CHODL: variants seen among roughly 807,000 people sequenced by gnomAD.
CHODL encodes chondrolectin, also known as transmembrane protein MT75.
In CHODL, 29 loss-of-function variants were observed where a neutral mutation model predicts 34.5. That is an observed-to-expected ratio of 0.84 (90% confidence interval 0.63 to 1.15). The LOEUF (loss-of-function observed/expected upper bound fraction) is 1.15. Ranked by LOEUF, CHODL falls within the 50% of genes most tolerant of loss-of-function variation. The pLI, the probability that CHODL is intolerant of heterozygous loss-of-function variation, is 0.00. For missense variants in CHODL, 332 were observed against 332.5 expected (o/e 1.00, Z 0.01); for synonymous variants, 125 against 116.1 (o/e 1.08, Z -0.49).
At chr21:18,010,297 C>CA (rs71189576) in intron 1 of CHODL, among the ~76,000 whole-genome samples, 15,466 of 38,924 alleles carry the variant, frequency 0.4, 4,649 homozygotes, top group Non-Finnish European at 0.51. Context: ...ACTCCCGTCT[C>CA]AAAAAAAAAA....
chr21:18,009,265 T>C (rs1356368298), intron 1 of CHODL, among the ~76,000 whole-genome samples: 1 of 152,232 alleles, frequency 6.6e-6, no homozygotes, highest in East Asian at 1.9e-4. Flanking sequence ...GTATTATATG[T>C]GTGGTGATTG....
intron 2 of CHODL, chr21:18,099,844 A>G (rs1383448015): frequency 6.6e-6 from 1 of 152,148 alleles, no homozygotes; most frequent in Non-Finnish European, 1.5e-5. Context: ...GTATTCCAGG[A>G]CACTAATTGA....
intron 2 of CHODL, among the ~76,000 whole-genome samples, chr21:18,231,493 A>G (rs895993293): frequency 3.3e-5 from 5 of 152,032 alleles, no homozygotes; most frequent in Non-Finnish European, 5.9e-5. Context: ...AAATGGGGCT[A>G]GACAGAGCAT....
chr21:18,136,107 AAAAAAAAAAAAGAAAAAG>A (rs2072720851), intron 2 of CHODL, among the ~76,000 whole-genome samples: 2 of 146,286 alleles, frequency 1.4e-5, no homozygotes, highest in East Asian at 2.0e-4. Context: ...TTATGTCTCA[AAAAAAAAAAAAGAAAAAG>A]AAAAAAAAGA....
chr21:18,141,381 A>G (rs536139252), intron 2 of CHODL, among the ~76,000 whole-genome samples: 8 of 152,118 alleles, frequency 5.3e-5, no homozygotes, highest in Non-Finnish European at 1.0e-4. Context: ...ATGTGAAAAA[A>G]GAAAAAATGT....
intron 1 of CHODL, among the ~76,000 whole-genome samples, chr21:18,013,754 C>A (rs1296117761): frequency 6.7e-6 from 1 of 149,774 alleles, no homozygotes; most frequent in Admixed American, 6.7e-5. Flanking sequence ...CCTCTCTCAG[C>A]CTCCTGAGTA....
At chr21:18,035,961 C>T (rs1260172751) in intron 2 of CHODL, among the ~76,000 whole-genome samples, 1 of 151,882 alleles carries the variant, frequency 6.6e-6, no homozygotes, top group Admixed American at 6.6e-5. Flanking sequence ...TCATATTTTC[C>T]TCCTTTGCAT....
At chr21:18,150,201 T>C (rs554198308) in intron 2 of CHODL, among the ~76,000 whole-genome samples, 14 of 152,228 alleles carry the variant, frequency 9.2e-5, no homozygotes, top group African/African-American at 2.6e-4. Flanking sequence ...AGATAAAAGA[T>C]TGTGGAGACC....
At chr21:18,111,672 A>G (rs2065353193) in intron 2 of CHODL, among the ~76,000 whole-genome samples, 1 of 152,168 alleles carries the variant, frequency 6.6e-6, no homozygotes, top group Admixed American at 6.5e-5. Flanking sequence ...ATAGTTCATA[A>G]TACACTTTCT....
At chr21:17,955,574 G>A (rs1378980224) in intron 1 of CHODL, among the ~76,000 whole-genome samples, 1 of 136,610 alleles carries the variant, frequency 7.3e-6, no homozygotes, top group Non-Finnish European at 1.7e-5. Flanking sequence ...AGTCACCAGG[G>A]GAGTACTAAT....
chr21:18,005,743 A>G (rs2063954277), intron 1 of CHODL, among the ~76,000 whole-genome samples: 1 of 152,196 alleles, frequency 6.6e-6, no homozygotes, highest in Non-Finnish European at 1.5e-5. Context: ...GTTAACCAGA[A>G]TCCATATCCA....
intron 2 of CHODL, among the ~76,000 whole-genome samples, chr21:18,050,424 T>G (rs918712529): frequency 1.3e-5 from 2 of 152,010 alleles, no homozygotes; most frequent in African/African-American, 4.8e-5. Flanking sequence ...TGCTGTGCTG[T>G]AGCTTGGAAG....
chr21:18,143,969 G>T (rs868818113), intron 2 of CHODL, among the ~76,000 whole-genome samples: 3 of 151,970 alleles, frequency 2.0e-5, no homozygotes, highest in Non-Finnish European at 4.4e-5. Flanking sequence ...AAAACCAAGT[G>T]ATTATATTGA....
upstream of CHODL, among the ~76,000 whole-genome samples, chr21:18,240,029 A>G (rs375327972): frequency 3.3e-5 from 5 of 151,954 alleles, no homozygotes; most frequent in African/African-American, 1.2e-4. Context: ...GCTGAAAAGG[A>G]CTCTAGAAAT....
Position 18,263,324 on chromosome 21 carries a change from T to C in CHODL, c.737+431T>C, listed in dbSNP as rs76790129. Among the ~76,000 whole-genome samples the C allele has an allele frequency of 8.5e-3, 1,297 of 152,320 alleles. 13 individuals carry two copies. The highest frequency in any genetic ancestry group is 0.03 in the African/African-American group (1,236 of 41,576). On this transcript the variant is annotated intron_variant, in intron 5 of 5. Coordinates refer to ENST00000299295, the MANE Select transcript of CHODL (RefSeq NM_024944.3). ...AAGACTTGATATTTGTAGGTTCATTTTGTATTACTTTTCAAAATTCAAGTC... is the reference window on the plus strand; with the variant it reads ...AAGACTTGATATTTGTAGGTTCATTCTGTATTACTTTTCAAAATTCAAGTC...
chr21:18,144,193 G>T (rs1024437771), intron 2 of CHODL, among the ~76,000 whole-genome samples: 5 of 152,048 alleles, frequency 3.3e-5, no homozygotes, highest in African/African-American at 9.7e-5. Flanking sequence ...GTCATTTATT[G>T]TAAAGGGAAT....
At chr21:18,072,811 A>G (rs2064821597) in intron 2 of CHODL, among the ~76,000 whole-genome samples, 1 of 152,144 alleles carries the variant, frequency 6.6e-6, no homozygotes, top group South Asian at 2.1e-4. Context: ...AGGGTGGAGA[A>G]CCTCTTATAC....
chr21:17,977,364 CTTTTTT>C lies in CHODL; in HGVS notation c.-144-50497_-144-50492del, dbSNP rs542807552. 2.4e-3 allele frequency among the ~76,000 whole-genome samples: 325 copies of C among 134,140 alleles called. 3 individuals carry two copies. The East Asian group carries it at 0.035, about 14-fold the overall frequency. 88.0% of individuals were successfully genotyped at this position (134,140 alleles called of 152,430 possible). On this transcript the variant is annotated intron_variant, in intron 1 of 6. Coordinates refer to the CHODL transcript ENST00000400127. ...TGTTAAGGTGTTGTTGGCTGTTTTA[CTTTTTT>C]TTTTTTTTTTGAGATGGAGTCTCTC...
intron 1 of CHODL, among the ~76,000 whole-genome samples, chr21:17,954,342 G>A (rs539486313): frequency 1.3e-5 from 2 of 151,840 alleles, no homozygotes; most frequent in African/African-American, 2.4e-5. Flanking sequence ...CCTTGTGAAG[G>A]TTAATTTTAT....
Sources: allele counts gnomAD v4.1 joint callset (sites outside exome capture counted in the v4.1 genomes callset), GRCh38; gene constraint gnomAD v4.1.1; transcripts MANE v1.5; gene names NCBI Gene and HGNC (gene_info 2026-07-23, HGNC 2026-07-21).